The following USP19 variants were observed in gnomAD, a reference collection of about 807,000 sequenced individuals.
USP19 encodes ubiquitin specific peptidase 19.
USP19 carries 40 observed loss-of-function variants against 144.8 expected under a neutral mutation model. That is an observed-to-expected ratio of 0.28 (90% CI 0.21 to 0.36). The LOEUF (loss-of-function observed/expected upper bound fraction) is 0.36. Ranked by LOEUF, USP19 falls within the 10% of genes least tolerant of loss-of-function variation. USP19 has a pLI of 1.00. For missense variants in USP19, 1,518 were observed against 1,822.5 expected (o/e 0.83, Z 3.04); for synonymous variants, 701 against 709.3 (o/e 0.99, Z 0.19).
rs77923560 is a variant in USP19 at position 49,112,658 on chromosome 3, G to A, written c.2506-29C>T. ...GGGACAGAGAACACACAGATCCCAC[G>A]TGAGGATAAGCCCTTTCCCTAGCCC... On this transcript the variant is annotated intron_variant, in intron 17 of 26. Transcript: ENST00000417901. The surrounding 1 kb of genome is among the most constrained non-coding windows in gnomAD (Gnocchi z 4.9). 106 of 1,600,234 alleles carry A rather than the reference G, an allele frequency of 6.6e-5. 1 individual carries two copies. In the East Asian group the frequency reaches 1.4e-3, roughly 21 times the overall value.
intron 2 of USP19, 34 bp downstream of exon 2, chr3:49,118,985 GAGA>G: frequency 6.2e-7 from 1 of 1,613,338 alleles, no homozygotes; most frequent in Non-Finnish European, 8.5e-7. Flanking sequence ...ATGGGAGGCA[GAGA>G]AGGCCACAAT....
At position 49,112,187 on chromosome 3, in the gene USP19, G is replaced by C. The variant is rs2043272745; in HGVS notation, c.2765+97C>G. 3 of 1,541,088 alleles carry C rather than the reference G, an allele frequency of 1.9e-6. No individual in the cohort carries two copies. The highest frequency in any genetic ancestry group is 3.9e-5 in the Admixed American group (2 of 50,770). ...GCCTGGTAAAGTAGGGTGGCAAGTA[G>C]AAAGCTTAAGCATATGTGCCTTGGT... is the stretch of plus-strand genomic sequence containing the variant. On this transcript the variant is annotated intron_variant, in intron 19 of 26. Transcript: ENST00000417901. This position sits in a 1 kb window ranked among gnomAD's most constrained non-coding sequence, Gnocchi z 4.9.
intron 1 of USP19, chr3:49,120,454 G>C (rs1273493455): frequency 6.6e-6 from 1 of 152,200 alleles, no homozygotes; most frequent in Non-Finnish European, 1.5e-5. Context: ...AAATGGCAGC[G>C]CGGGGTTACT....
rs760257289 is a variant in USP19 at position 49,108,418 on chromosome 3, C to T, written c.4149G>A (p.Val1383=). The stretch of plus-strand genomic sequence containing the variant: ...CCCATCAGCCAGGGACCTGCTAATC[C>T]ACCTCCTCCATGTTGCTGTAGGTGG... ...PAPTYSNMEE[V]D is the part of the protein sequence containing the mutation. Residue 1383 remains valine (V), a synonymous_variant, in exon 27 of 27, where the codon GTG becomes GTA. Transcript: ENST00000417901. This position sits in a 1 kb window ranked among gnomAD's most constrained non-coding sequence, Gnocchi z 4.8. 2.9e-6 allele frequency: 4 copies of T among 1,395,134 alleles called. No individual in the cohort carries two copies. The highest frequency in any genetic ancestry group is 2.8e-5 in the Admixed American group (1 of 35,792). The allele number at this position is 1,395,134 out of a possible 1,614,324, so 86.4% of individuals were successfully genotyped here.
chr3:49,111,200 G>T lies in USP19; in HGVS notation c.3329-34C>A. On this transcript the variant is annotated intron_variant, in intron 22 of 26. Coordinates refer to ENST00000417901, the MANE Select transcript of USP19 (RefSeq NM_001199161.2). This position sits in a 1 kb window ranked among gnomAD's most constrained non-coding sequence, Gnocchi z 5.9. ...TCGCAGGGAGAGAGGTCATGCAGCTGTGGAGAACAGCCAGCTCAACCCACC... is the reference window on the plus strand; with the variant it reads ...TCGCAGGGAGAGAGGTCATGCAGCTTTGGAGAACAGCCAGCTCAACCCACC... 1 of 1,614,084 alleles carries T rather than the reference G, an allele frequency of 6.2e-7. No homozygotes were observed. Among genetic ancestry groups the T allele is most frequent in the Non-Finnish European group, 8.5e-7 (1 of 1,180,008 alleles).
In USP19 at chr3:49,111,226, C is replaced by G. The variant is rs376893516; in HGVS notation, c.3328+29G>C. ...TGGAGAACAGCCAGCTCAACCCACC[C>G]CATGGCTCCCACCCACAGCCTCAGA... On this transcript the variant is annotated intron_variant, in intron 22 of 26. Coordinates refer to ENST00000417901, the MANE Select transcript of USP19 (RefSeq NM_001199161.2). This position sits in a 1 kb window ranked among gnomAD's most constrained non-coding sequence, Gnocchi z 5.9. The G allele has an allele frequency of 6.8e-5, 109 of 1,614,070 alleles. 1 individual carries two copies. Among genetic ancestry groups the G allele is most frequent in the African/African-American group, 4.7e-4 (35 of 75,018 alleles).
chr3:49,108,459 C>A lies in USP19; in HGVS notation c.4108G>T (p.Val1370Leu). ...RTAPERFAPPVDRPAPTYSNM... is the reference protein window; with the variant it reads ...RTAPERFAPPLDRPAPTYSNM... Reference sequence around the variant, plus strand: ...CTGTAGGTGGGGGCTGGCCGATCCACAGGGGGGGCGAAGCGTTCAGGGGCT... The same window carrying A: ...CTGTAGGTGGGGGCTGGCCGATCCAAAGGGGGGGCGAAGCGTTCAGGGGCT... The change falls in exon 27 of 27, where the codon GTG becomes TTG. Residue 1370 changes from valine (V) to leucine (L), a missense_variant. This residue lies in a region of USP19 where 118 missense variants were observed against 100.2 expected (regional missense o/e 1.18). Transcript: ENST00000417901. The surrounding 1 kb of genome is among the most constrained non-coding windows in gnomAD (Gnocchi z 4.8). 7.4e-7 allele frequency: 1 copy of A among 1,357,408 alleles called. No homozygotes were observed. The highest frequency in any genetic ancestry group is 9.6e-7 in the Non-Finnish European group (1 of 1,043,876). The allele number at this position is 1,357,408 out of a possible 1,614,324, so 84.1% of individuals were successfully genotyped here.
Position 49,116,712 on chromosome 3 carries a change from C to A in USP19, c.1126+15G>T. 6.2e-7 allele frequency: 1 copy of A among 1,607,572 alleles called. No individual in the cohort carries two copies. The highest frequency in any genetic ancestry group is 1.1e-5 in the South Asian group (1 of 90,190). On this transcript the variant is annotated intron_variant, in intron 7 of 26. Coordinates refer to ENST00000417901, the MANE Select transcript of USP19 (RefSeq NM_001199161.2). The surrounding 1 kb of genome is among the most constrained non-coding windows in gnomAD (Gnocchi z 5.0). ...AACCCAACCTAGGGCTCTGCCTGCC[C>A]ACCCCCACCTTTACCATCCACCAAG... is the stretch of plus-strand genomic sequence containing the variant.
intron 17 of USP19, among the ~76,000 whole-genome samples, chr3:49,113,351 A>T (rs2043498583): frequency 6.6e-6 from 1 of 151,880 alleles, no homozygotes; most frequent in African/African-American, 2.4e-5. Flanking sequence ...ATCTCGGCTC[A>T]CTGCAACCTC....
chr3:49,111,662 C>T lies in USP19; in HGVS notation c.3055G>A (p.Val1019Met), dbSNP rs1409276745. The change falls in exon 21 of 27, where the codon GTG (valine) becomes ATG (methionine). Residue 1019 changes from valine (V) to methionine (M), a missense_variant. By Grantham distance (21) the Val-to-Met change is conservative. This residue lies in a region of USP19 where 413 missense variants were observed against 515.8 expected (regional missense o/e 0.80). Transcript: ENST00000417901. This position sits in a 1 kb window ranked among gnomAD's most constrained non-coding sequence, Gnocchi z 5.9. ...DPIQPPELQL[V>M]TPMAEGDTGL... ...GTGTCCCCCTCAGCCATAGGGGTCA[C>T]CAGCTGGAGCTCAGGTGGCTGAATG... 6.2e-7 allele frequency: 1 copy of T among 1,603,384 alleles called. No homozygotes were observed.
chr3:49,109,102 T>G (rs1415279113), intron 26 of USP19: 2 of 1,583,548 alleles, frequency 1.3e-6, no homozygotes, highest in Non-Finnish European at 1.7e-6. Context: ...CCACCCAGTC[T>G]TGGGGCCCCC....
Position 49,115,811 on chromosome 3 carries a change from T to C in USP19, c.1605A>G (p.Ala535=). The C allele has an allele frequency of 6.2e-7, 1 of 1,614,078 alleles. No individual in the cohort carries two copies. Among genetic ancestry groups the C allele is most frequent in the Non-Finnish European group, 8.5e-7 (1 of 1,179,940 alleles). ...TGTCTAGCCCTGTGTCCTCAGATCG[T>C]GCCTTGGATTTATCCTTCTCCACAG... is the stretch of plus-strand genomic sequence containing the variant. ...ARAVEKDKSK[A]RSEDTGLDSV... is the part of the protein sequence containing the mutation. The change falls in exon 11 of 27, where the codon GCA becomes GCG. Residue 535 remains alanine, a synonymous_variant. Transcript: ENST00000417901. The surrounding 1 kb of genome is among the most constrained non-coding windows in gnomAD (Gnocchi z 6.6).
At position 49,117,303 on chromosome 3, in the gene USP19, T is replaced by C. The variant is rs1048154170; in HGVS notation, c.665A>G (p.Gln222Arg). 1.9e-6 allele frequency: 3 copies of C among 1,583,672 alleles called. No homozygotes were observed. Among genetic ancestry groups the C allele is most frequent in the Non-Finnish European group, 1.7e-6 (2 of 1,162,818 alleles). ...CTCCAGGGCAATGGGAGACAGTTCC[T>C]GCCCATTCTCCTGGCACCGCAGCCC... is the stretch of plus-strand genomic sequence containing the variant. The part of the protein sequence containing the change: ...VPGLRCQENG[Q>R]ELSPIALEPG... The change falls in exon 6 of 27, where the codon CAG (glutamine) becomes CGG (arginine). Residue 222 changes from glutamine (Q) to arginine (R), a missense_variant. Coordinates refer to ENST00000417901, the MANE Select transcript of USP19 (RefSeq NM_001199161.2). This position sits in a 1 kb window ranked among gnomAD's most constrained non-coding sequence, Gnocchi z 4.4.
In USP19 at chr3:49,115,027, C is replaced by T. The variant is rs1050596826; in HGVS notation, c.2113G>A (p.Glu705Lys). 1 of 1,614,148 alleles carries T rather than the reference C, an allele frequency of 6.2e-7. No individual in the cohort carries two copies. Among genetic ancestry groups the T allele is most frequent in the Non-Finnish European group, 8.5e-7 (1 of 1,180,018 alleles). ...TTGTTCTGAATGCGATTCAGGTCCTCGTGCAGCCCATCCAGCAGGAAAGCC... is the reference window on the plus strand; with the variant it reads ...TTGTTCTGAATGCGATTCAGGTCCTTGTGCAGCCCATCCAGCAGGAAAGCC... ...FMAFLLDGLH[E>K]DLNRIQNKPY... Residue 705 changes from glutamate to lysine, a missense_variant, in exon 14 of 27, where the codon GAG becomes AAG. Glu to Lys is a moderately conservative substitution (Grantham distance 56, BLOSUM62 1). Around this residue, in one of 5 missense-constraint regions of USP19, gnomAD observed 158 missense variants for 277.3 expected, o/e 0.57. Transcript: ENST00000417901. This position sits in a 1 kb window ranked among gnomAD's most constrained non-coding sequence, Gnocchi z 6.6.
rs116646690 is a variant in USP19, at chr3:49,115,413, C to T, written c.1888+31G>A. 2,172 of 1,613,710 alleles carry T rather than the reference C, an allele frequency of 1.3e-3. 19 individuals carry two copies. In the African/African-American group the frequency reaches 0.026, roughly 19 times the overall value. On this transcript the variant is annotated intron_variant, in intron 12 of 26. Transcript: ENST00000417901. This position sits in a 1 kb window ranked among gnomAD's most constrained non-coding sequence, Gnocchi z 6.6. ...TGAGGAACAAAGGCACTCTCTCTGC[C>T]CATAACCCAGGCTCCAGGCCCTGCC... is the stretch of plus-strand genomic sequence containing the variant.
intron 26 of USP19, chr3:49,109,109 C>A: frequency 6.4e-7 from 1 of 1,570,522 alleles, no homozygotes; most frequent in Non-Finnish European, 8.6e-7. Context: ...GTCTTGGGGC[C>A]CCCAGGGACC....
In USP19 at chr3:49,119,246, C is replaced by A. The variant is rs1220306883; in HGVS notation, c.-101G>T. 1.4e-6 allele frequency: 2 copies of A among 1,460,558 alleles called. No homozygotes were observed. The highest frequency in any genetic ancestry group is 1.3e-5 in the South Asian group (1 of 74,098). 90.5% of individuals were successfully genotyped at this position (1,460,558 alleles called of 1,614,324 possible). Reference sequence around the variant, plus strand: ...TCCTGGCCCAGCTATCTTGGCAACTCTTTGTGGCCAAATTCTCCAGCAAGG... The same window carrying A: ...TCCTGGCCCAGCTATCTTGGCAACTATTTGTGGCCAAATTCTCCAGCAAGG... On this transcript the variant is annotated 5_prime_UTR_variant, in exon 2 of 27. Coordinates refer to ENST00000417901, the MANE Select transcript of USP19 (RefSeq NM_001199161.2).
At chr3:49,118,255 G>T in intron 2 of USP19, 135 bp from the exon 3 acceptor site, 3 of 347,300 alleles carry the variant, frequency 8.6e-6, no homozygotes, top group Non-Finnish European at 1.0e-5. Flanking sequence ...GCAAGAGTGA[G>T]ACCCTGCCTT....
At position 49,117,232 on chromosome 3, in the gene USP19, T is replaced by G; in HGVS notation, c.736A>C (p.Lys246Gln). 1 of 1,551,966 alleles carries G rather than the reference T, an allele frequency of 6.4e-7. No homozygotes were observed. Among genetic ancestry groups the G allele is most frequent in the South Asian group, 1.2e-5 (1 of 85,354 alleles). ...ACCTCACCACGGCCCTGGGCCCGCTTCTGGTTCCGGGCCTCCTGCTTAGCC... is the reference window on the plus strand; with the variant it reads ...ACCTCACCACGGCCCTGGGCCCGCTGCTGGTTCCGGGCCTCCTGCTTAGCC... ...HRAKQEARNQKRAQGRGEVGA... is the reference protein window; with the variant it reads ...HRAKQEARNQQRAQGRGEVGA... The change falls in exon 6 of 27, where the codon AAG becomes CAG. Residue 246 changes from lysine (K) to glutamine (Q), a missense_variant. Physicochemically the swap from Lys to Gln is moderately conservative, Grantham distance 53. Around this residue, in one of 5 missense-constraint regions of USP19, gnomAD observed 707 missense variants for 728.9 expected, o/e 0.97. Coordinates refer to ENST00000417901, the MANE Select transcript of USP19 (RefSeq NM_001199161.2). This position sits in a 1 kb window ranked among gnomAD's most constrained non-coding sequence, Gnocchi z 4.4.
Sources: gnomAD v4.1 joint callset for allele counts (sites outside exome capture counted in the v4.1 genomes callset) on GRCh38, gnomAD v4.1.1 for gene constraint, gnomAD v4.1.1 regional missense constraint, Gnocchi (gnomAD v3.1) non-coding constraint, MANE v1.5 for transcripts, NCBI Gene and HGNC (gene_info 2026-07-23, HGNC 2026-07-21) for gene names.